SERF2: variants seen among roughly 807,000 people sequenced by gnomAD.
The protein encoded by SERF2 is small EDRK-rich factor 2.
SERF2 carries 4 observed loss-of-function variants against 10.7 expected under a neutral mutation model. That is an observed-to-expected ratio of 0.37 (90% CI 0.18 to 0.86). SERF2 has a LOEUF of 0.86. Among genes scored for constraint, SERF2 ranks in the 40% least tolerant of loss-of-function variants. The pLI, the probability that SERF2 is intolerant of heterozygous loss-of-function variation, is 0.43. For synonymous variants in SERF2, 26 were observed against 26.0 expected (o/e 1.00, Z 0.01); for missense variants, 47 against 79.1 (o/e 0.59, Z 1.54).
At chr15:43,792,621 A>G in intron 1 of SERF2, 23 of 1,428,982 alleles carry the variant, frequency 1.6e-5, no homozygotes, top group Non-Finnish European at 2.1e-5. Flanking sequence ...TGTAAGGAGA[A>G]GGCCAGCGCC....
chr15:43,778,140 T>A (rs890030102), intron 1 of SERF2: 2 of 151,856 alleles, frequency 1.3e-5, no homozygotes, highest in Admixed American at 1.3e-4. Flanking sequence ...ATGTTTTGTA[T>A]TTTTAGTAGA....
rs1314136455 is a variant in SERF2 at position 43,795,245 on chromosome 15, T to C, written c.*1472T>C. 1.2e-6 allele frequency: 2 copies of C among 1,608,514 alleles called. No homozygotes were observed. The highest frequency in any genetic ancestry group is 1.1e-5 in the South Asian group (1 of 90,946). ...AACCAAAGGCTCTGGTTAGAGAATA[T>C]GAAGGGCCTTAGCTTTTAGACCTGT... On this transcript the variant is annotated 3_prime_UTR_variant, in exon 3 of 3. Transcript: ENST00000249786.
intron 2 of SERF2, chr15:43,793,436 A>G (rs767001198): frequency 3.7e-6 from 3 of 817,802 alleles, no homozygotes; most frequent in Non-Finnish European, 5.6e-6. Context: ...CAACCTCCTC[A>G]CTGGTGTTGC....
chr15:43,795,376 A>G lies in SERF2; in HGVS notation c.*1603A>G. On this transcript the variant is annotated 3_prime_UTR_variant, in exon 3 of 3. Coordinates refer to ENST00000249786, the MANE Select transcript of SERF2 (RefSeq NM_001018108.4). ...CTCTTCAGGAGAGTATCTAAGGCCCACTCCATCTTACCTGAACCAGTTGGT... is the reference window on the plus strand; with the variant it reads ...CTCTTCAGGAGAGTATCTAAGGCCCGCTCCATCTTACCTGAACCAGTTGGT... 17 of 1,614,042 alleles carry G rather than the reference A, an allele frequency of 1.1e-5. No individual in the cohort carries two copies. The highest frequency in any genetic ancestry group is 1.4e-5 in the Non-Finnish European group (16 of 1,179,926).
At position 43,782,906 on chromosome 15, in the gene SERF2, G is replaced by A. The variant is rs151136163; in HGVS notation, c.-526-2504G>A. ...TGTCACCAGGCTGGAGTGCAGTGGC[G>A]TGATCTCGGCTCACTGCAACCTCTG... is the stretch of plus-strand genomic sequence containing the variant. On this transcript the variant is annotated intron_variant, in intron 1 of 4. Coordinates refer to the SERF2 transcript ENST00000381359. 8.8e-5 allele frequency among the ~76,000 whole-genome samples: 13 copies of A among 148,360 alleles called. No homozygotes were observed. In the East Asian group the frequency reaches 1.2e-3, roughly 14 times the overall value.
rs749357108 is a variant in SERF2 at position 43,793,569 on chromosome 15, C to T, written c.117-141C>T. The T allele has an allele frequency of 3.2e-6, 5 of 1,538,888 alleles. 1 individual carries two copies. In the South Asian group the frequency reaches 6.2e-5, roughly 19 times the overall value. On this transcript the variant is annotated intron_variant, in intron 2 of 2. Transcript: ENST00000249786. ...GAGCCTCAGCTCTCTTCCTCTTGTT[C>T]TCCTAGGGTGGGAGTACAGCAGCCA...
At chr15:43,778,919 G>A (rs2086944552) in intron 1 of SERF2, among the ~76,000 whole-genome samples, 1 of 152,058 alleles carries the variant, frequency 6.6e-6, no homozygotes, top group Non-Finnish European at 1.5e-5. Flanking sequence ...CCTGAGTTTT[G>A]CTGAATACGG....
At chr15:43,788,741 C>T (rs8023458), upstream of SERF2, among the ~76,000 whole-genome samples, 24,221 of 151,758 alleles carry the variant, frequency 0.16, 2,519 homozygotes, top group African/African-American at 0.28. Context: ...CAGCTCCACC[C>T]CTTATTATCT....
At chr15:43,783,196 C>T (rs539536223) in intron 1 of SERF2, among the ~76,000 whole-genome samples, 96 of 152,014 alleles carry the variant, frequency 6.3e-4, no homozygotes, top group Non-Finnish European at 1.3e-3. Context: ...TTAGTAGAGA[C>T]AGGGTTTCAC....
At chr15:43,781,509 G>A (rs746771728) in intron 1 of SERF2, among the ~76,000 whole-genome samples, 3 of 151,762 alleles carry the variant, frequency 2.0e-5, no homozygotes, top group Admixed American at 6.6e-5. Flanking sequence ...CTGAGATAGA[G>A]CAAGGTCTGT....
chr15:43,777,323 A>C (rs971563636), exon 1 of SERF2: 2 of 345,636 alleles, frequency 5.8e-6, no homozygotes, highest in African/African-American at 4.3e-5. Context: ...TTTCAGCCGC[A>C]GAGGGGCGGG....
chr15:43,791,679 C>T (rs1040107912), upstream of SERF2, among the ~76,000 whole-genome samples: 23 of 152,364 alleles, frequency 1.5e-4, no homozygotes, highest in South Asian at 1.4e-3. Context: ...TCCTCCAATA[C>T]TTCCAAGCTG....
At chr15:43,792,118 C>G (rs1229983261), upstream of SERF2, 1 of 573,422 alleles carries the variant, frequency 1.7e-6, no homozygotes, top group Middle Eastern at 4.6e-4. Flanking sequence ...TTTCTCCAGG[C>G]CCGTCCCTAC....
chr15:43,785,214 G>A (rs1478040996), intron 1 of SERF2, among the ~76,000 whole-genome samples: 1 of 149,958 alleles, frequency 6.7e-6, no homozygotes, highest in Non-Finnish European at 1.5e-5. Flanking sequence ...GATTACAGGC[G>A]CCCACCACCA....
upstream of SERF2, chr15:43,777,097 C>G (rs779590160): frequency 2.3e-6 from 2 of 880,416 alleles, no homozygotes; most frequent in African/African-American, 1.7e-5. Flanking sequence ...CTTCGCTCTC[C>G]CCGGCCAACC....
chr15:43,792,136 T>A, upstream of SERF2: 5 of 484,890 alleles, frequency 1.0e-5, no homozygotes, highest in Non-Finnish European at 1.9e-5. Context: ...TACGTCTCAC[T>A]CGGGAAGCCC....
In SERF2 at chr15:43,793,066, T is replaced by C. The variant is rs2087107241; in HGVS notation, c.99T>C (p.Ala33=). The change falls in exon 2 of 3, where the codon GCT becomes GCC. Residue 33 remains alanine (A), a synonymous_variant. Transcript: ENST00000249786. ...KGKRRDDGLS[A]AARKQRDSEI... is the part of the protein sequence containing the mutation. ...AGCGCCGAGATGACGGGCTTTCTGC[T>C]GCCGCCCGCAAGCAGAGGTAGCCCC... 6.2e-7 allele frequency: 1 copy of C among 1,611,500 alleles called. No individual in the cohort carries two copies. Among genetic ancestry groups the C allele is most frequent in the Admixed American group, 1.7e-5 (1 of 59,904 alleles).
chr15:43,789,819 C>T (rs1386469099), upstream of SERF2, among the ~76,000 whole-genome samples: 1 of 151,738 alleles, frequency 6.6e-6, no homozygotes, highest in East Asian at 1.9e-4. Flanking sequence ...ACCAGCCTGG[C>T]CAACATGGTG....
chr15:43,780,632 C>G (rs145636390), intron 1 of SERF2, among the ~76,000 whole-genome samples: 39 of 152,288 alleles, frequency 2.6e-4, no homozygotes, highest in African/African-American at 8.9e-4. Context: ...GTGAATTTGA[C>G]TACTGTAGAT....
Sources: allele counts gnomAD v4.1 joint callset (sites outside exome capture counted in the v4.1 genomes callset), GRCh38; gene constraint gnomAD v4.1.1; transcripts MANE v1.5; gene names NCBI Gene and HGNC (gene_info 2026-07-23, HGNC 2026-07-21).